SLC9A7: variants seen among roughly 807,000 people sequenced by gnomAD.
The protein encoded by SLC9A7 is sodium/hydrogen exchanger 7.
Under a neutral mutation model 52.6 loss-of-function variants are expected in SLC9A7, and 19 were observed. That is an observed-to-expected ratio of 0.36 (90% CI 0.25 to 0.53). SLC9A7 has a LOEUF of 0.53. Among genes scored for constraint, SLC9A7 ranks in the 20% least tolerant of loss-of-function variants. The pLI, the probability that SLC9A7 is intolerant of heterozygous loss-of-function variation, is 0.91. For synonymous variants in SLC9A7, 226 were observed against 252.1 expected (o/e 0.90, Z 0.98); for missense variants, 455 against 597.9 (o/e 0.76, Z 2.49).
At chrX:46,692,386 C>A (rs1371743698) in intron 1 of SLC9A7, among the ~76,000 whole-genome samples, 4 of 111,272 alleles carry the variant, frequency 3.6e-5, no homozygotes, top group Non-Finnish European at 7.5e-5. Flanking sequence ...ACAAACAGAA[C>A]CACAGGTCCT....
intron 1 of SLC9A7, among the ~76,000 whole-genome samples, chrX:46,720,249 C>A (rs1944837973): frequency 9.0e-6 from 1 of 111,645 alleles, no homozygotes; most frequent in Non-Finnish European, 1.9e-5. Context: ...GGTTCTAGGA[C>A]TTGAGCAATT....
chrX:46,724,206 C>T (rs762451883), intron 1 of SLC9A7, among the ~76,000 whole-genome samples: 25 of 111,452 alleles, frequency 2.2e-4, no homozygotes, highest in South Asian at 1.5e-3. Context: ...TAGCCCATTG[C>T]GGTTAATAAG....
intron 1 of SLC9A7, among the ~76,000 whole-genome samples, chrX:46,703,178 T>C (rs1944557216): frequency 8.9e-6 from 1 of 112,293 alleles, no homozygotes; most frequent in Non-Finnish European, 1.9e-5. Flanking sequence ...CTTTGTCAGA[T>C]GCATAGTTTG....
At chrX:46,661,332 C>T (rs1943817911) in intron 7 of SLC9A7, among the ~76,000 whole-genome samples, 1 of 109,353 alleles carries the variant, frequency 9.1e-6, no homozygotes, top group African/African-American at 3.3e-5. Context: ...TGTAACTAAC[C>T]TGCACATTGT....
intron 1 of SLC9A7, among the ~76,000 whole-genome samples, chrX:46,727,154 C>T (rs908377383): frequency 8.9e-6 from 1 of 111,801 alleles, no homozygotes; most frequent in African/African-American, 3.3e-5. Context: ...TCAAGGTCCC[C>T]CACAATCTAT....
rs1254811546 is a variant in SLC9A7, at chrX:46,602,562, T to C, written c.*4390A>G. On this transcript the variant is annotated 3_prime_UTR_variant, in exon 17 of 17. Transcript: ENST00000616978. ...TCTGAGGGGAGGGCCCTTGCACTGA[T>C]TTAAAAACAAAAACTGGCCAGATGA... 1.8e-5 allele frequency: 2 copies of C among 112,002 alleles called. No homozygotes were observed. The highest frequency in any genetic ancestry group is 6.5e-5 in the African/African-American group (2 of 30,787). The allele number at this position is 112,002 out of a possible 1,213,427, so 9.2% of individuals were successfully genotyped here.
chrX:46,750,689 C>T (rs1200356958), intron 1 of SLC9A7, among the ~76,000 whole-genome samples: 5 of 112,272 alleles, frequency 4.5e-5, no homozygotes, highest in African/African-American at 1.3e-4. Flanking sequence ...AATGGCTTAA[C>T]GTATGCAAAG....
intron 2 of SLC9A7, 97 bp downstream of exon 2, chrX:46,682,239 T>G (rs1449785140): frequency 1.2e-6 from 1 of 829,829 alleles, no homozygotes; most frequent in Non-Finnish European, 1.8e-6. Flanking sequence ...TTACGGATAA[T>G]CCAGGAGTTT....
chrX:46,659,582 GACAA>G (rs777751989), intron 7 of SLC9A7, among the ~76,000 whole-genome samples: 1,270 of 40,809 alleles, frequency 0.031, 92 homozygotes, highest in African/African-American at 0.17. Context: ...ACCAACAACA[GACAA>G]ACAGAGAGCC....
chrX:46,706,002 A>G (rs774555644), intron 1 of SLC9A7, among the ~76,000 whole-genome samples: 1 of 109,977 alleles, frequency 9.1e-6, no homozygotes, highest in East Asian at 2.9e-4. Context: ...ACACAGAGAC[A>G]TATCAACCAA....
In SLC9A7 at chrX:46,607,116, C is replaced by T. The variant is rs1208995956; in HGVS notation, c.2017G>A (p.Ala673Thr). 1.7e-6 allele frequency: 2 copies of T among 1,211,663 alleles called. No homozygotes were observed. Among genetic ancestry groups the T allele is most frequent in the Non-Finnish European group, 2.2e-6 (2 of 895,415 alleles). The change falls in exon 17 of 17, where the codon GCA becomes ACA. Residue 673 changes from alanine to threonine, a missense_variant. Physicochemically the swap from Ala to Thr is moderately conservative, Grantham distance 58. Coordinates refer to ENST00000616978, the MANE Select transcript of SLC9A7 (RefSeq NM_001257291.2). ...TLTYGDSTVT[A>T]NGSSSSHTAS... ...GTGTGCGAACTTGAGGAGCCATTTG[C>T]AGTCACTGTGCTGTCCCCGTAGGTC...
chrX:46,718,100 T>A (rs778073517), intron 1 of SLC9A7, among the ~76,000 whole-genome samples: 35 of 111,307 alleles, frequency 3.1e-4, no homozygotes, highest in African/African-American at 1.1e-3. Flanking sequence ...AAAACAGAGA[T>A]AAAGACCAAT....
intron 1 of SLC9A7, among the ~76,000 whole-genome samples, 199 bp downstream of exon 1, chrX:46,758,506 A>C (rs1922847894): frequency 1.8e-5 from 2 of 111,838 alleles, no homozygotes; most frequent in South Asian, 7.4e-4. Context: ...AGAAACGTGG[A>C]ATAGGGGTGG....
At chrX:46,636,443 A>T (rs1368400741) in intron 12 of SLC9A7, among the ~76,000 whole-genome samples, 1 of 110,573 alleles carries the variant, frequency 9.0e-6, no homozygotes, top group African/African-American at 3.3e-5. Flanking sequence ...TACTAGTAGC[A>T]ACCCCACCCA....
At chrX:46,707,309 T>C (rs1944619178) in intron 1 of SLC9A7, among the ~76,000 whole-genome samples, 2 of 112,277 alleles carry the variant, frequency 1.8e-5, no homozygotes, top group South Asian at 7.3e-4. Flanking sequence ...ACAAAGGACA[T>C]GAAATCCATT....
intron 15 of SLC9A7, among the ~76,000 whole-genome samples, chrX:46,619,129 C>G (rs1943001740): frequency 9.0e-6 from 1 of 111,389 alleles, no homozygotes; most frequent in East Asian, 2.8e-4. Flanking sequence ...AGAAACATAC[C>G]AAATGGCCAG....
At chrX:46,653,569 C>T in intron 8 of SLC9A7, 40 bp downstream of exon 8, 1 of 974,228 alleles carries the variant, frequency 1.0e-6, no homozygotes, top group Non-Finnish European at 1.5e-6. Flanking sequence ...GACCCCACTA[C>T]AGTGAGGGGA....
chrX:46,714,148 T>A (rs1030451218), intron 1 of SLC9A7, among the ~76,000 whole-genome samples: 1 of 110,754 alleles, frequency 9.0e-6, no homozygotes, highest in African/African-American at 3.3e-5. Flanking sequence ...ACTTACAATA[T>A]TATCTCTTAA....
chrX:46,725,149 T>C, intron 1 of SLC9A7: 2 of 699,447 alleles, frequency 2.9e-6, no homozygotes, highest in Non-Finnish European at 2.3e-6. Flanking sequence ...TATACTTGAA[T>C]GATGCCAATC....
Sources: allele counts gnomAD v4.1 joint callset (sites outside exome capture counted in the v4.1 genomes callset), GRCh38; gene constraint gnomAD v4.1.1; transcripts MANE v1.5; gene names NCBI Gene and HGNC (gene_info 2026-07-23, HGNC 2026-07-21).